The following DAB2IP variants were observed in gnomAD, a reference collection of about 807,000 sequenced individuals.
DAB2IP encodes the protein disabled homolog 2-interacting protein.
In DAB2IP, 28 loss-of-function variants were observed where a neutral mutation model predicts 107.2. The ratio of observed to expected loss-of-function variants is 0.26; its 90% CI spans 0.19 to 0.36. DAB2IP has a LOEUF of 0.36. DAB2IP is among the 10% of genes least tolerant of loss of function. The probability of loss-of-function intolerance (pLI) is 1.00; values close to 1 mark genes in which losing one functional copy is unlikely to be tolerated. For synonymous variants in DAB2IP, 755 were observed against 706.4 expected (o/e 1.07, Z -1.09); for missense variants, 1,400 against 1,644.7 (o/e 0.85, Z 2.57).
chr9:121,752,068 C>G (rs1168153306), intron 3 of DAB2IP: 6 of 976,138 alleles, frequency 6.1e-6, no homozygotes, highest in Non-Finnish European at 6.1e-6. Context: ...CCGTGGGGAG[C>G]AGTGTGCAGC....
chr9:121,600,955 G>A (rs761008153), intron 1 of DAB2IP, among the ~76,000 whole-genome samples: 10 of 152,176 alleles, frequency 6.6e-5, no homozygotes, highest in Non-Finnish European at 1.3e-4. Flanking sequence ...CAGCATCCTT[G>A]TGCCTCAGTT....
intron 1 of DAB2IP, among the ~76,000 whole-genome samples, chr9:121,596,224 G>C (rs1009333758): frequency 6.6e-6 from 1 of 152,132 alleles, no homozygotes; most frequent in Admixed American, 6.5e-5. Flanking sequence ...TCAGCTACTC[G>C]GGAGACTGAG....
chr9:121,570,210 T>C (rs1306964590), intron 1 of DAB2IP, among the ~76,000 whole-genome samples: 1 of 147,150 alleles, frequency 6.8e-6, no homozygotes, highest in Non-Finnish European at 1.5e-5. Flanking sequence ...CTTCCCAGGC[T>C]CAATCCATCC....
At chr9:121,695,992 C>T (rs1186507139) in intron 2 of DAB2IP, among the ~76,000 whole-genome samples, 1 of 152,102 alleles carries the variant, frequency 6.6e-6, no homozygotes, top group East Asian at 1.9e-4. Flanking sequence ...CCTCAGCCTC[C>T]CGAGTAGCTG....
At chr9:121,740,951 G>A (rs1217445291) in intron 3 of DAB2IP, among the ~76,000 whole-genome samples, 1 of 152,172 alleles carries the variant, frequency 6.6e-6, no homozygotes, top group Non-Finnish European at 1.5e-5. Context: ...GCCTGGGCCT[G>A]CAAAACCCCC....
chr9:121,633,930 C>T lies in DAB2IP; in HGVS notation c.41-44748C>T, dbSNP rs1831985907. 6.6e-6 allele frequency among the ~76,000 whole-genome samples: 1 copy of T among 152,232 alleles called. No homozygotes were observed. The highest frequency in any genetic ancestry group is 2.1e-4 in the South Asian group (1 of 4,836). On this transcript the variant is annotated intron_variant, in intron 1 of 16. Coordinates refer to the DAB2IP transcript ENST00000259371. The surrounding 1 kb of genome is among the most constrained non-coding windows in gnomAD (Gnocchi z 5.1). Reference sequence around the variant, plus strand: ...CCTATTCAAAGGCTTGGCCCAGATGCCACCTCCTCTGTGAAGCCTTTCTTG... The same window carrying T: ...CCTATTCAAAGGCTTGGCCCAGATGTCACCTCCTCTGTGAAGCCTTTCTTG...
At position 121,667,695 on chromosome 9, in the gene DAB2IP, G is replaced by A. The variant is rs1162149338; in HGVS notation, c.125-10983G>A. On this transcript the variant is annotated intron_variant, in intron 1 of 15. Transcript: ENST00000408936. ...TTTTTTTTAATACAGATGGAGTTTT[G>A]CCATGTTGGCCAGGCTGGTCTTGAA... 4.7e-5 allele frequency among the ~76,000 whole-genome samples: 7 copies of A among 150,520 alleles called. No individual in the cohort carries two copies. In the East Asian group the frequency reaches 9.9e-4, roughly 21 times the overall value.
At chr9:121,754,540 C>T (rs921787766) in intron 3 of DAB2IP, among the ~76,000 whole-genome samples, 2 of 152,184 alleles carry the variant, frequency 1.3e-5, no homozygotes, top group South Asian at 2.1e-4. Flanking sequence ...CCCAGGGAAG[C>T]GGGGAGGGTC....
At chr9:121,693,018 C>T (rs544516651) in intron 2 of DAB2IP, among the ~76,000 whole-genome samples, 186 of 152,326 alleles carry the variant, frequency 1.2e-3, no homozygotes, top group Non-Finnish European at 1.8e-3. Flanking sequence ...CAAATATCAG[C>T]GCTGGAAAGG....
At chr9:121,747,221 A>G (rs956669413) in intron 3 of DAB2IP, among the ~76,000 whole-genome samples, 2 of 152,010 alleles carry the variant, frequency 1.3e-5, no homozygotes, top group Non-Finnish European at 2.9e-5. Flanking sequence ...AGTTTTTCCT[A>G]CAGGCCAGGG....
chr9:121,578,932 A>AAGCTG (rs1830128370), intron 1 of DAB2IP, among the ~76,000 whole-genome samples: 1 of 150,858 alleles, frequency 6.6e-6, no homozygotes, highest in African/African-American at 2.4e-5. Flanking sequence ...GTGCAACTCA[A>AAGCTG]CACCACTCCC....
intron 14 of DAB2IP, among the ~76,000 whole-genome samples, chr9:121,778,769 T>C (rs1835387776): frequency 1.3e-5 from 2 of 152,258 alleles, no homozygotes; most frequent in Admixed American, 6.5e-5. Flanking sequence ...AAACAGGCAA[T>C]GGTCCAGATT....
chr9:121,703,266 A>G (rs1193381504), intron 3 of DAB2IP, among the ~76,000 whole-genome samples: 1 of 152,066 alleles, frequency 6.6e-6, no homozygotes, highest in Non-Finnish European at 1.5e-5. Flanking sequence ...GGAACAGGGG[A>G]AATGGAAGTT....
rs771253890 is a variant in DAB2IP, at chr9:121,772,772, G to A, written c.2244G>A (p.Met748Ile). ...CCAACGGTGGCAAGAGCCTCTCCATGGTGGACCTCCAGGACGCCCGCACGC... is the reference window on the plus strand; with the variant it reads ...CCAACGGTGGCAAGAGCCTCTCCATAGTGGACCTCCAGGACGCCCGCACGC... Residue 748 changes from methionine to isoleucine, a missense_variant, in exon 12 of 16, where the codon ATG becomes ATA. Met to Ile is a conservative substitution (Grantham distance 10). Transcript: ENST00000408936. This position sits in a 1 kb window ranked among gnomAD's most constrained non-coding sequence, Gnocchi z 4.7. The A allele has an allele frequency of 2.9e-5, 46 of 1,613,568 alleles. No homozygotes were observed. Among genetic ancestry groups the A allele is most frequent in the Non-Finnish European group, 3.7e-5 (44 of 1,179,962 alleles).
intron 1 of DAB2IP, among the ~76,000 whole-genome samples, chr9:121,577,379 C>A (rs1830087128): frequency 2.0e-5 from 3 of 152,238 alleles, no homozygotes; most frequent in African/African-American, 4.8e-5. Context: ...AGCGTTCCAG[C>A]CGGTGACCTA....
intron 1 of DAB2IP, among the ~76,000 whole-genome samples, chr9:121,638,844 C>T (rs368353304): frequency 1.3e-5 from 2 of 152,304 alleles, no homozygotes; most frequent in South Asian, 4.1e-4. Context: ...ATTTGGAGCT[C>T]TGAAGAGCCC....
In DAB2IP at chr9:121,735,258, G is replaced by T. The variant is rs148025228; in HGVS notation, c.363-21755G>T. ...TGGGCAGACGGGGTGGTGTTGGATCGCCTGGCCTGTGTGCACGGCAGAGCT... is the reference window on the plus strand; with the variant it reads ...TGGGCAGACGGGGTGGTGTTGGATCTCCTGGCCTGTGTGCACGGCAGAGCT... On this transcript the variant is annotated intron_variant, in intron 3 of 15. Coordinates refer to ENST00000408936, the Ensembl canonical transcript of DAB2IP. Among the ~76,000 whole-genome samples the T allele has an allele frequency of 2.6e-5, 4 of 152,256 alleles. No homozygotes were observed. The East Asian group carries it at 7.7e-4, about 29-fold the overall frequency.
intron 3 of DAB2IP, among the ~76,000 whole-genome samples, chr9:121,743,561 A>G (rs539149653): frequency 3.3e-5 from 5 of 152,268 alleles, no homozygotes; most frequent in African/African-American, 1.2e-4. Flanking sequence ...CCTTTGTTGA[A>G]CTAGCCATGA....
chr9:121,594,279 G>C (rs2009828), intron 1 of DAB2IP, among the ~76,000 whole-genome samples: 90,413 of 147,966 alleles, frequency 0.61, 27,825 homozygotes, highest in Middle Eastern at 0.64. Flanking sequence ...CTCTGTCGCC[G>C]AGGCTGGAGG....
Sources: allele counts gnomAD v4.1 joint callset (sites outside exome capture counted in the v4.1 genomes callset), GRCh38; gene constraint gnomAD v4.1.1; non-coding constraint Gnocchi (gnomAD v3.1); transcripts MANE v1.5; gene names NCBI Gene and HGNC (gene_info 2026-07-23, HGNC 2026-07-21).